Variants in IGSF21 observed in about 807,000 individuals in gnomAD.
IGSF21 encodes the protein immunoglobin superfamily member 21.
A neutral mutation model predicts 46.8 loss-of-function variants in IGSF21; 28 were observed. The ratio of observed to expected loss-of-function variants is 0.60; its 90% CI spans 0.44 to 0.82. IGSF21 has a LOEUF of 0.82. IGSF21 is among the 40% of genes least tolerant of loss of function. The pLI, the probability that IGSF21 is intolerant of heterozygous loss-of-function variation, is 0.00. For missense variants in IGSF21, 624 were observed against 665.5 expected (o/e 0.94, Z 0.69); for synonymous variants, 284 against 273.6 (o/e 1.04, Z -0.38).
chr1:18,317,588 C>T (rs1278814598), intron 3 of IGSF21, among the ~76,000 whole-genome samples: 1 of 152,152 alleles, frequency 6.6e-6, no homozygotes, highest in African/African-American at 2.4e-5. Flanking sequence ...ATCTATGCAC[C>T]TTCTCTCTGG....
intron 2 of IGSF21, among the ~76,000 whole-genome samples, chr1:18,241,508 ACT>A (rs1033600799): frequency 6.6e-6 from 1 of 152,084 alleles, no homozygotes; most frequent in African/African-American, 2.4e-5. Context: ...TCAAAACCCA[ACT>A]CTCTGACTAC....
At chr1:18,176,614 T>G (rs547442955) in intron 1 of IGSF21, among the ~76,000 whole-genome samples, 1,587 of 152,308 alleles carry the variant, frequency 0.01, 30 homozygotes, top group African/African-American at 0.037. Context: ...TGTGCCGTTT[T>G]CACTAACTGG....
At chr1:18,267,681 C>T (rs1020236631) in intron 2 of IGSF21, among the ~76,000 whole-genome samples, 11 of 152,320 alleles carry the variant, frequency 7.2e-5, no homozygotes, top group East Asian at 1.9e-4. Flanking sequence ...TCTCAGATCA[C>T]GGGCCCTAGG....
intron 3 of IGSF21, among the ~76,000 whole-genome samples, chr1:18,321,927 C>T (rs953024410): frequency 6.6e-6 from 1 of 152,136 alleles, no homozygotes; most frequent in Non-Finnish European, 1.5e-5. Context: ...TCTGTGAGGG[C>T]CGGGTGACAA....
intron 1 of IGSF21, among the ~76,000 whole-genome samples, chr1:18,218,886 A>G (rs1570349770): frequency 6.6e-6 from 1 of 152,232 alleles, no homozygotes; most frequent in African/African-American, 2.4e-5. Flanking sequence ...GACATAGAAG[A>G]TATAAAGAAG....
intron 4 of IGSF21, among the ~76,000 whole-genome samples, chr1:18,356,947 T>C (rs755481755): frequency 6.8e-6 from 1 of 147,428 alleles, no homozygotes; most frequent in Non-Finnish European, 1.5e-5. Context: ...TGGGGAGGGA[T>C]GGAAATGGAG....
intron 2 of IGSF21, among the ~76,000 whole-genome samples, chr1:18,236,268 A>G (rs1171950488): frequency 6.6e-6 from 1 of 152,094 alleles, no homozygotes; most frequent in Admixed American, 6.5e-5. Context: ...TGGTTTTATA[A>G]ATGGGAGTTC....
chr1:18,208,946 T>C (rs1465475218), intron 1 of IGSF21, among the ~76,000 whole-genome samples: 3 of 152,090 alleles, frequency 2.0e-5, no homozygotes, highest in East Asian at 3.9e-4. Flanking sequence ...ATTCCAGGTA[T>C]GTGGGCTCAA....
intron 2 of IGSF21, among the ~76,000 whole-genome samples, chr1:18,243,850 T>C (rs1298607412): frequency 1.3e-5 from 2 of 152,210 alleles, no homozygotes; most frequent in East Asian, 3.9e-4. Flanking sequence ...GTGAAGATGC[T>C]GCTTTGCCAA....
intron 3 of IGSF21, among the ~76,000 whole-genome samples, chr1:18,294,124 A>C (rs184453849): frequency 2.0e-5 from 3 of 152,324 alleles, no homozygotes; most frequent in Non-Finnish European, 2.9e-5. Flanking sequence ...GCCTGAGTTC[A>C]AATCCTGCCT....
intron 1 of IGSF21, among the ~76,000 whole-genome samples, chr1:18,225,129 A>ACACACAC (rs1491338920): frequency 3.1e-4 from 44 of 143,720 alleles, no homozygotes; most frequent in East Asian, 6.3e-4. Flanking sequence ...ACACACACAC[A>ACACACAC]AAGAAATCAT....
chr1:18,135,403 C>A, intron 1 of IGSF21, among the ~76,000 whole-genome samples: 1 of 132,804 alleles, frequency 7.5e-6, no homozygotes, highest in Admixed American at 7.7e-5. Flanking sequence ...TAATGCTATC[C>A]CTCCCCCCTC....
chr1:18,239,263 C>T (rs1221068691), intron 2 of IGSF21, among the ~76,000 whole-genome samples: 2 of 151,888 alleles, frequency 1.3e-5, no homozygotes, highest in East Asian at 3.9e-4. Context: ...AAGAAAAGAA[C>T]ATGACTGAAA....
chr1:18,231,268 C>A (rs2084623581), intron 2 of IGSF21, among the ~76,000 whole-genome samples: 4 of 152,194 alleles, frequency 2.6e-5, no homozygotes, highest in African/African-American at 7.2e-5. Context: ...ATCATGAATG[C>A]ATTGGATTCT....
Position 18,335,749 on chromosome 1 carries a change from C to T in IGSF21, c.424+739C>T, listed in dbSNP as rs140924768. ...ATACGTATCAGGGAAACAAAGCTTGCGGTACACAGGCAATCGATGAAAGCA... is the reference window on the plus strand; with the variant it reads ...ATACGTATCAGGGAAACAAAGCTTGTGGTACACAGGCAATCGATGAAAGCA... On this transcript the variant is annotated intron_variant, in intron 4 of 9. Transcript: ENST00000251296. The surrounding 1 kb of genome is among the most constrained non-coding windows in gnomAD (Gnocchi z 4.8). Among the ~76,000 whole-genome samples, 138 of 152,228 alleles carry T rather than the reference C, an allele frequency of 9.1e-4. 1 individual carries two copies. The highest frequency in any genetic ancestry group is 3.4e-3 in the Middle Eastern group (1 of 294).
intron 2 of IGSF21, among the ~76,000 whole-genome samples, chr1:18,250,499 C>T (rs933334079): frequency 1.3e-5 from 2 of 152,154 alleles, no homozygotes; most frequent in African/African-American, 2.4e-5. Context: ...GGCCACCCAC[C>T]CGTCACCCAT....
At chr1:18,279,892 A>C (rs915392900) in intron 2 of IGSF21, among the ~76,000 whole-genome samples, 1 of 152,250 alleles carries the variant, frequency 6.6e-6, no homozygotes, top group Admixed American at 6.5e-5. Context: ...GCGGCCGATC[A>C]TGCTGACACA....
At chr1:18,142,570 G>A (rs1266239789) in intron 1 of IGSF21, among the ~76,000 whole-genome samples, 1 of 152,116 alleles carries the variant, frequency 6.6e-6, no homozygotes, top group Non-Finnish European at 1.5e-5. Flanking sequence ...GCTCAATCTG[G>A]GACTTCATCA....
intron 2 of IGSF21, among the ~76,000 whole-genome samples, chr1:18,247,333 C>A (rs223175): frequency 0.055 from 8,327 of 152,146 alleles, 759 homozygotes; most frequent in African/African-American, 0.19. Flanking sequence ...AGGTACATCC[C>A]CTTCCTCCCC....
Sources: allele counts gnomAD v4.1 joint callset (sites outside exome capture counted in the v4.1 genomes callset), GRCh38; gene constraint gnomAD v4.1.1; non-coding constraint Gnocchi (gnomAD v3.1); transcripts MANE v1.5; gene names NCBI Gene and HGNC (gene_info 2026-07-23, HGNC 2026-07-21).